Variants in SYNDIG1 observed in about 807,000 individuals in gnomAD.
SYNDIG1 encodes the protein synapse differentiation inducing 1.
A neutral mutation model predicts 19.4 loss-of-function variants in SYNDIG1; 9 were observed. That is an observed-to-expected ratio of 0.46 (90% CI 0.28 to 0.81). The LOEUF (loss-of-function observed/expected upper bound fraction) is 0.81, where lower values mean the gene tolerates loss of function less well. SYNDIG1 is among the 30% of genes least tolerant of loss of function. The pLI is 0.12. For missense variants in SYNDIG1, 311 were observed against 343.3 expected (o/e 0.91, Z 0.74); for synonymous variants, 141 against 145.9 (o/e 0.97, Z 0.24).
chr20:24,548,931 T>C (rs2057646310), intron 2 of SYNDIG1, among the ~76,000 whole-genome samples: 1 of 152,138 alleles, frequency 6.6e-6, no homozygotes. Context: ...TTTAATTTTA[T>C]TTTTTAATAG....
intron 1 of SYNDIG1, among the ~76,000 whole-genome samples, chr20:24,488,393 C>T (rs2146290438): frequency 6.6e-6 from 1 of 152,342 alleles, no homozygotes; most frequent in South Asian, 2.1e-4. Context: ...GGGGTGCCCC[C>T]ACTTCTCTTC....
intron 2 of SYNDIG1, among the ~76,000 whole-genome samples, chr20:24,544,857 T>A (rs1207992442): frequency 6.6e-6 from 1 of 151,978 alleles, no homozygotes; most frequent in Non-Finnish European, 1.5e-5. Flanking sequence ...GCAGTATGAG[T>A]TTGTGTGAAG....
chr20:24,488,867 C>T (rs540010200), intron 1 of SYNDIG1, among the ~76,000 whole-genome samples: 6 of 152,144 alleles, frequency 3.9e-5, no homozygotes, highest in Admixed American at 2.0e-4. Context: ...CATCCCCGGG[C>T]GCTCGGAGGA....
intron 3 of SYNDIG1, among the ~76,000 whole-genome samples, chr20:24,657,968 G>A (rs2059545311): frequency 6.6e-6 from 1 of 152,158 alleles, no homozygotes; most frequent in African/African-American, 2.4e-5. Context: ...TCTTGCGGAA[G>A]CCTGTCCCAG....
intron 1 of SYNDIG1, among the ~76,000 whole-genome samples, chr20:24,482,860 C>G (rs1463215083): frequency 1.3e-5 from 2 of 152,156 alleles, no homozygotes; most frequent in East Asian, 3.8e-4. Flanking sequence ...ATGTTATTCT[C>G]TGAGAGTTTA....
intron 3 of SYNDIG1, among the ~76,000 whole-genome samples, chr20:24,614,410 G>A (rs1344947906): frequency 1.3e-5 from 2 of 152,140 alleles, no homozygotes; most frequent in African/African-American, 4.8e-5. Context: ...TTGTTTGACT[G>A]GTTGTTGTAA....
rs1600374714 is a variant in SYNDIG1 at position 24,476,190 on chromosome 20, T to TGAGGACA, written c.-79+6437_-79+6438insGAGGACA. 1.1e-4 allele frequency among the ~76,000 whole-genome samples: 16 copies of TGAGGACA among 152,240 alleles called. No individual in the cohort carries two copies. In the East Asian group the frequency reaches 2.7e-3, roughly 26 times the overall value. ...GTGCATAGTATCTTAACAGTTTTTT[T>TGAGGACA]TCTTATATACTAAACCCAGAGATAC... On this transcript the variant is annotated intron_variant, in intron 1 of 3. Transcript: ENST00000376862.
chr20:24,626,414 G>T (rs566261928), intron 3 of SYNDIG1, among the ~76,000 whole-genome samples: 2 of 151,968 alleles, frequency 1.3e-5, no homozygotes, highest in African/African-American at 4.8e-5. Flanking sequence ...TGGCCGGGCC[G>T]AGGCGCTCCT....
At chr20:24,584,564 T>A (rs1475776457) in intron 2 of SYNDIG1, among the ~76,000 whole-genome samples, 1 of 152,148 alleles carries the variant, frequency 6.6e-6, no homozygotes, top group Non-Finnish European at 1.5e-5. Context: ...ATCCCAGCGA[T>A]CTTAGAAATA....
At position 24,500,522 on chromosome 20, in the gene SYNDIG1, CTTTCT is replaced by C. The variant is rs879732235; in HGVS notation, c.-79+30772_-79+30776del. Among the ~76,000 whole-genome samples, 176 of 131,260 alleles carry C rather than the reference CTTTCT, an allele frequency of 1.3e-3. 1 individual carries two copies. Among genetic ancestry groups the C allele is most frequent in the Non-Finnish European group, 2.3e-3 (138 of 60,574 alleles). The allele number at this position is 131,260 out of a possible 152,430, so 86.1% of individuals were successfully genotyped here. ...TCTTTCTTTCTTTCTTTCTTTCTTT[CTTTCT>C]TTCTTCTTTCTTTCTTTCTTTCTTT... On this transcript the variant is annotated intron_variant, in intron 1 of 3. Coordinates refer to ENST00000376862, the MANE Select transcript of SYNDIG1 (RefSeq NM_024893.3).
rs550640237 is a variant in SYNDIG1, at chr20:24,654,977, C to T, written c.619-10369C>T. Among the ~76,000 whole-genome samples, 18 of 152,306 alleles carry T rather than the reference C, an allele frequency of 1.2e-4. 2 individuals are homozygous for T. In the South Asian group the frequency reaches 3.5e-3, roughly 30 times the overall value. Reference sequence around the variant, plus strand: ...AATAGAATATGGCCATTTGCAGGCACGCAGAGTCTGCCACCCACGCATGAT... The same window carrying T: ...AATAGAATATGGCCATTTGCAGGCATGCAGAGTCTGCCACCCACGCATGAT... On this transcript the variant is annotated intron_variant, in intron 3 of 3. Coordinates refer to ENST00000376862, the MANE Select transcript of SYNDIG1 (RefSeq NM_024893.3).
chr20:24,485,820 A>G (rs934288360), intron 1 of SYNDIG1, among the ~76,000 whole-genome samples: 3 of 152,116 alleles, frequency 2.0e-5, no homozygotes, highest in Non-Finnish European at 4.4e-5. Flanking sequence ...CTGGATCTCT[A>G]TAGTCCTTGT....
intron 1 of SYNDIG1, among the ~76,000 whole-genome samples, chr20:24,538,623 G>A (rs1689325516): frequency 6.6e-6 from 1 of 152,132 alleles, no homozygotes; most frequent in African/African-American, 2.4e-5. Context: ...ATCCAGAAGT[G>A]GAATTTCTGG....
intron 3 of SYNDIG1, among the ~76,000 whole-genome samples, chr20:24,649,045 T>C (rs1248362922): frequency 6.6e-6 from 1 of 152,148 alleles, no homozygotes; most frequent in Non-Finnish European, 1.5e-5. Context: ...AGTGGGGAAA[T>C]GAACATTCAC....
intron 2 of SYNDIG1, among the ~76,000 whole-genome samples, chr20:24,560,271 A>T (rs757051551): frequency 6.6e-6 from 1 of 151,230 alleles, no homozygotes; most frequent in African/African-American, 2.4e-5. Context: ...GGGTTCCACT[A>T]TGTTGGCCAG....
Position 24,556,577 on chromosome 20 carries a change from C to T in SYNDIG1, c.480+13000C>T, listed in dbSNP as rs532623262. ...CCTTCACTTATGAAGCTTAGTTTGG[C>T]GGGATATGAATTTCTGGGTTGAAAA... is the stretch of plus-strand genomic sequence containing the variant. On this transcript the variant is annotated intron_variant, in intron 2 of 3. Transcript: ENST00000376862. Among the ~76,000 whole-genome samples the T allele has an allele frequency of 1.6e-4, 24 of 152,170 alleles. No individual in the cohort carries two copies. The South Asian group carries it at 3.9e-3, about 25-fold the overall frequency.
chr20:24,482,742 G>A lies in SYNDIG1; in HGVS notation c.-79+12989G>A, dbSNP rs1299542433. On this transcript the variant is annotated intron_variant, in intron 1 of 3. Transcript: ENST00000376862. Reference sequence around the variant, plus strand: ...ATGATTAAATTATTCTAAATCCCTTGTCCATTGGCCAGGGCTGTGCTGGGT... The same window carrying A: ...ATGATTAAATTATTCTAAATCCCTTATCCATTGGCCAGGGCTGTGCTGGGT... Among the ~76,000 whole-genome samples the A allele has an allele frequency of 6.6e-5, 10 of 152,310 alleles. No individual in the cohort carries two copies. In the East Asian group the frequency reaches 1.7e-3, roughly 26 times the overall value.
intron 3 of SYNDIG1, among the ~76,000 whole-genome samples, chr20:24,652,027 C>T (rs972359111): frequency 5.9e-5 from 9 of 152,242 alleles, no homozygotes; most frequent in Non-Finnish European, 8.8e-5. Flanking sequence ...GATCTGAATT[C>T]CTGACCCACA....
At chr20:24,563,834 C>T (rs1415266425) in intron 2 of SYNDIG1, among the ~76,000 whole-genome samples, 1 of 152,178 alleles carries the variant, frequency 6.6e-6, no homozygotes. Flanking sequence ...CACTTTTGGA[C>T]TCAAGTGATC....
Sources: gnomAD v4.1 joint callset for allele counts (sites outside exome capture counted in the v4.1 genomes callset) on GRCh38, gnomAD v4.1.1 for gene constraint, MANE v1.5 for transcripts, NCBI Gene and HGNC (gene_info 2026-07-23, HGNC 2026-07-21) for gene names.